Variants in PRUNE2 observed in about 807,000 individuals in gnomAD.
The protein encoded by PRUNE2 is protein prune homolog 2.
PRUNE2 carries 164 observed loss-of-function variants against 252.0 expected under a neutral mutation model. The observed-to-expected ratio is 0.65, with a 90% confidence interval of 0.57 to 0.74. The LOEUF (loss-of-function observed/expected upper bound fraction) is 0.74, where lower values mean the gene tolerates loss of function less well. Ranked by LOEUF, PRUNE2 falls within the 30% of genes least tolerant of loss-of-function variation. The pLI is 0.00. For missense variants in PRUNE2, 3,495 were observed against 3,711.0 expected (o/e 0.94, Z 1.51); for synonymous variants, 1,292 against 1,350.2 (o/e 0.96, Z 0.94).
intron 6 of PRUNE2, among the ~76,000 whole-genome samples, chr9:76,724,926 G>A (rs1714199632): frequency 6.6e-6 from 1 of 152,086 alleles, no homozygotes; most frequent in African/African-American, 2.4e-5. Context: ...CACATGTAAT[G>A]AAACCCCGCT....
chr9:76,681,846 T>C (rs1318730910), intron 9 of PRUNE2, among the ~76,000 whole-genome samples: 1 of 152,200 alleles, frequency 6.6e-6, no homozygotes, highest in East Asian at 1.9e-4. Context: ...TCTTATCAGC[T>C]AGAGGTTATT....
At chr9:76,848,369 C>T (rs574322640) in intron 3 of PRUNE2, among the ~76,000 whole-genome samples, 1 of 152,248 alleles carries the variant, frequency 6.6e-6, no homozygotes, top group East Asian at 1.9e-4. Context: ...AACTTTTAGC[C>T]ACGTGTCAAT....
chr9:76,776,170 A>T (rs1477231737), intron 6 of PRUNE2, among the ~76,000 whole-genome samples: 2 of 152,220 alleles, frequency 1.3e-5, no homozygotes, highest in African/African-American at 4.8e-5. Context: ...TAGGGGGTAC[A>T]AGTGCAGTTT....
intron 6 of PRUNE2, among the ~76,000 whole-genome samples, chr9:76,728,935 C>T (rs997749084): frequency 6.6e-6 from 1 of 152,194 alleles, no homozygotes; most frequent in African/African-American, 2.4e-5. Context: ...GCAGCCAAGA[C>T]CCAACAGCTA....
rs970824829 is a variant in PRUNE2, at chr9:76,630,343, TG to T, written c.9051-1054del. 3.3e-5 allele frequency among the ~76,000 whole-genome samples: 5 copies of T among 152,206 alleles called. No individual in the cohort carries two copies. The East Asian group carries it at 9.6e-4, about 29-fold the overall frequency. ...AAAAATATGTTCCAATAATTGGATT[TG>T]AATTACAAACAGCTTTCATCTAAAT... On this transcript the variant is annotated intron_variant, in intron 15 of 18. Transcript: ENST00000376718.
intron 1 of PRUNE2, among the ~76,000 whole-genome samples, chr9:76,897,390 C>CTATTTTTTTTTTTTTTTTTTTT (rs1564527202): frequency 1.8e-5 from 1 of 56,252 alleles, no homozygotes; most frequent in Non-Finnish European, 3.6e-5. Context: ...AGGCAAACCT[C>CTATTTTTTTTTTTTTTTTTTTT]TTTTTTTTTT....
intron 9 of PRUNE2, among the ~76,000 whole-genome samples, chr9:76,682,613 C>T (rs2043592813): frequency 6.6e-6 from 1 of 152,110 alleles, no homozygotes; most frequent in Non-Finnish European, 1.5e-5. Flanking sequence ...AGGTGATCTG[C>T]CTGCTTTAGC....
intron 1 of PRUNE2, among the ~76,000 whole-genome samples, chr9:76,871,653 G>A (rs1425092366): frequency 1.3e-5 from 2 of 152,178 alleles, no homozygotes; most frequent in Non-Finnish European, 2.9e-5. Context: ...TTTTAAGACA[G>A]AGTCTCACTC....
chr9:76,866,805 G>C (rs1391310862), intron 1 of PRUNE2, among the ~76,000 whole-genome samples: 1 of 152,088 alleles, frequency 6.6e-6, no homozygotes, highest in African/African-American at 2.4e-5. Flanking sequence ...AGAATGGAAG[G>C]AAGAGGAAGA....
chr9:76,903,897 C>T (rs1445854217), intron 1 of PRUNE2, among the ~76,000 whole-genome samples: 4 of 152,296 alleles, frequency 2.6e-5, no homozygotes. Context: ...CAAATCTTAC[C>T]TTTTTATTAT....
At chr9:76,641,873 C>T (rs1842731424) in intron 12 of PRUNE2, 1 of 1,396,672 alleles carries the variant, frequency 7.2e-7, no homozygotes, top group Middle Eastern at 1.8e-4. Flanking sequence ...AAAGATGTCA[C>T]AGTCGCAACC....
At chr9:76,721,238 A>C (rs1277024078) in intron 6 of PRUNE2, among the ~76,000 whole-genome samples, 3 of 152,236 alleles carry the variant, frequency 2.0e-5, no homozygotes, top group African/African-American at 7.2e-5. Flanking sequence ...AAAGCATTAA[A>C]AAAATGTATA....
intron 9 of PRUNE2, among the ~76,000 whole-genome samples, chr9:76,659,422 A>G (rs1410314629): frequency 6.6e-6 from 1 of 152,214 alleles, no homozygotes; most frequent in Non-Finnish European, 1.5e-5. Flanking sequence ...GAATGCTTTT[A>G]AATATTCTAT....
intron 6 of PRUNE2, among the ~76,000 whole-genome samples, chr9:76,799,249 G>T (rs1375007274): frequency 6.6e-6 from 1 of 151,702 alleles, no homozygotes; most frequent in African/African-American, 2.4e-5. Context: ...GCTGAGGCAG[G>T]AGAATTGCTT....
intron 16 of PRUNE2, chr9:76,627,969 T>C (rs968218552): frequency 4.9e-6 from 1 of 205,654 alleles, no homozygotes; most frequent in African/African-American, 2.4e-5. Flanking sequence ...TTTTAATTAA[T>C]TAATTAATTT....
At chr9:76,694,601 C>T (rs968008850) in intron 9 of PRUNE2, among the ~76,000 whole-genome samples, 2 of 152,140 alleles carry the variant, frequency 1.3e-5, no homozygotes, top group African/African-American at 4.8e-5. Flanking sequence ...AGTAATACTT[C>T]ATTAAATGGA....
chr9:76,869,674 G>C (rs2061071537), intron 1 of PRUNE2, among the ~76,000 whole-genome samples: 1 of 152,162 alleles, frequency 6.6e-6, no homozygotes, highest in Admixed American at 6.5e-5. Context: ...TATTTTAAAA[G>C]CATAAACATG....
intron 11 of PRUNE2, 53 bp from the exon 12 acceptor site, chr9:76,644,962 C>T (rs1332376136): frequency 1.3e-6 from 2 of 1,505,902 alleles, no homozygotes; most frequent in Admixed American, 1.9e-5. Flanking sequence ...CTCCACAGTG[C>T]AGCTAAACAG....
At chr9:76,682,660 T>A (rs142002905) in intron 9 of PRUNE2, among the ~76,000 whole-genome samples, 1,880 of 152,310 alleles carry the variant, frequency 0.012, 42 homozygotes, top group African/African-American at 0.041. Context: ...TGAGCCACTG[T>A]GCCCAGCCCC....
Sources: gnomAD v4.1 joint callset for allele counts (sites outside exome capture counted in the v4.1 genomes callset) on GRCh38, gnomAD v4.1.1 for gene constraint, MANE v1.5 for transcripts, NCBI Gene and HGNC (gene_info 2026-07-23, HGNC 2026-07-21) for gene names.